Variants in OTULINL observed in about 807,000 individuals in gnomAD.
OTULINL encodes the protein OTU deubiquitinase with linear linkage specificity like.
Under a neutral mutation model 43.9 loss-of-function variants are expected in OTULINL, and 42 were observed. That is an observed-to-expected ratio of 0.96 (90% CI 0.75 to 1.24). The LOEUF (loss-of-function observed/expected upper bound fraction) is 1.24, where lower values mean the gene tolerates loss of function less well. Among genes scored for constraint, OTULINL ranks in the 50% most tolerant of loss-of-function variants. OTULINL has a pLI of 0.00. For missense variants in OTULINL, 411 were observed against 426.4 expected, an observed-to-expected ratio of 0.96 and a Z score of 0.32; for synonymous variants, 172 against 153.6, an observed-to-expected ratio of 1.12 and a Z score of -0.88.
At chr5:14,584,860 GC>G (rs1456625500) in intron 1 of OTULINL, among the ~76,000 whole-genome samples, 2 of 152,208 alleles carry the variant, frequency 1.3e-5, no homozygotes, top group Non-Finnish European at 2.9e-5. Context: ...ATGTTTCTGA[GC>G]CACCATAAGC....
chr5:14,613,966 CT>C lies in OTULINL; in HGVS notation c.*3658del, dbSNP rs1352758885. 6.6e-6 allele frequency among the ~76,000 whole-genome samples: 1 copy of C among 152,184 alleles called. No individual in the cohort carries two copies. The highest frequency in any genetic ancestry group is 1.5e-5 in the Non-Finnish European group (1 of 68,030). ...ACAATTTTAATTGTGTCCAAGCTGA[CT>C]TTTTTGAATGCTCTGGAAATGTTGG... On this transcript the variant is annotated 3_prime_UTR_variant, in exon 8 of 8. Transcript: ENST00000274217.
At chr5:14,591,149 C>A (rs780793131) in intron 1 of OTULINL, among the ~76,000 whole-genome samples, 1 of 152,134 alleles carries the variant, frequency 6.6e-6, no homozygotes, top group African/African-American at 2.4e-5. Context: ...AAAGCCCTGG[C>A]AGGTCAAAGC....
At chr5:14,595,741 A>G (rs898867619) in intron 1 of OTULINL, among the ~76,000 whole-genome samples, 2 of 125,830 alleles carry the variant, frequency 1.6e-5, no homozygotes, top group Non-Finnish European at 3.1e-5. Context: ...AGTTTCTGAT[A>G]TTCACTTTGT....
chr5:14,582,559 G>T (rs890256120), intron 1 of OTULINL, among the ~76,000 whole-genome samples: 2 of 152,158 alleles, frequency 1.3e-5, no homozygotes, highest in African/African-American at 4.8e-5. Flanking sequence ...ACTTTGGGAG[G>T]CCGAGGCTGG....
chr5:14,584,404 A>G (rs1053298573), intron 1 of OTULINL, among the ~76,000 whole-genome samples: 2 of 152,190 alleles, frequency 1.3e-5, no homozygotes, highest in African/African-American at 2.4e-5. Flanking sequence ...CACTCCAGCT[A>G]TACTTGGAGT....
rs116748416 is a variant in OTULINL, at chr5:14,600,487, T to C, written c.65-478T>C. On this transcript the variant is annotated intron_variant, in intron 1 of 7. Coordinates refer to ENST00000274217, the MANE Select transcript of OTULINL (RefSeq NM_019018.3). ...TTGGGTCTGGATTGAATCCCTGTAA[T>C]TGTGTATGGGATCCAATTCAGATAT... 7.5e-3 allele frequency among the ~76,000 whole-genome samples: 1,136 copies of C among 152,320 alleles called. 17 individuals carry two copies. The highest frequency in any genetic ancestry group is 0.024 in the African/African-American group (998 of 41,578).
At chr5:14,609,127 A>C in intron 7 of OTULINL, 110 bp downstream of exon 7, 1 of 1,100,634 alleles carries the variant, frequency 9.1e-7, no homozygotes, top group Non-Finnish European at 1.3e-6. Flanking sequence ...GATTGCACAG[A>C]GGTGGTTGAT....
rs1417786345 is a variant in OTULINL, at chr5:14,581,839, A to G, written c.-56A>G. On this transcript the variant is annotated 5_prime_UTR_variant, in exon 1 of 8. Coordinates refer to ENST00000274217, the MANE Select transcript of OTULINL (RefSeq NM_019018.3). ...CGCCGGCGGGCGGCCGTCGCGTCTG[A>G]CAGACCACTGCAGACCACGGGCCGA... 1 of 1,314,102 alleles carries G rather than the reference A, an allele frequency of 7.6e-7. No individual in the cohort carries two copies. Among genetic ancestry groups the G allele is most frequent in the Admixed American group, 3.9e-5 (1 of 25,516 alleles). 81.4% of individuals were successfully genotyped at this position (1,314,102 alleles called of 1,614,324 possible).
intron 5 of OTULINL, among the ~76,000 whole-genome samples, chr5:14,602,840 A>C (rs905420843): frequency 1.6e-4 from 25 of 152,208 alleles, no homozygotes; most frequent in African/African-American, 6.0e-4. Flanking sequence ...TTTTAATGCC[A>C]CCATCTTTTC....
At chr5:14,597,041 T>C (rs551804901) in intron 1 of OTULINL, among the ~76,000 whole-genome samples, 1 of 152,300 alleles carries the variant, frequency 6.6e-6, no homozygotes, top group South Asian at 2.1e-4. Context: ...ATCACATTGC[T>C]CCTGTTTTTG....
intron 5 of OTULINL, among the ~76,000 whole-genome samples, chr5:14,605,718 T>TA (rs974820446): frequency 1.7e-4 from 26 of 152,218 alleles, no homozygotes; most frequent in African/African-American, 6.3e-4. Flanking sequence ...CAGAGTTCCG[T>TA]AAATCTCTAG....
intron 1 of OTULINL, among the ~76,000 whole-genome samples, chr5:14,585,394 C>T (rs1759088364): frequency 6.6e-6 from 1 of 152,152 alleles, no homozygotes; most frequent in Non-Finnish European, 1.5e-5. Flanking sequence ...TCTACTCTTA[C>T]ATTTCTATGA....
intron 1 of OTULINL, among the ~76,000 whole-genome samples, chr5:14,586,181 A>G (rs1759099041): frequency 6.6e-6 from 1 of 152,206 alleles, no homozygotes; most frequent in Admixed American, 6.5e-5. Context: ...TGGTAAGACA[A>G]TCTGTTTTCA....
Position 14,581,800 on chromosome 5 carries a change from GA to G in OTULINL, c.-93del. On this transcript the variant is annotated 5_prime_UTR_variant, in exon 1 of 8. Coordinates refer to ENST00000274217, the MANE Select transcript of OTULINL (RefSeq NM_019018.3). Reference sequence around the variant, plus strand: ...CCCGCCCTCCCCAGCCCGCCTCAGGGAAGCGAGCCCGGGCGCCGGCGGGCGG... The same window carrying G: ...CCCGCCCTCCCCAGCCCGCCTCAGGGAGCGAGCCCGGGCGCCGGCGGGCGG... The G allele has an allele frequency of 9.5e-7, 1 of 1,056,866 alleles. No individual in the cohort carries two copies. The highest frequency in any genetic ancestry group is 1.2e-6 in the Non-Finnish European group (1 of 817,368). The allele number at this position is 1,056,866 out of a possible 1,614,324, so 65.5% of individuals were successfully genotyped here.
At chr5:14,595,636 GGT>G (rs1436429058) in intron 1 of OTULINL, among the ~76,000 whole-genome samples, 2 of 132,584 alleles carry the variant, frequency 1.5e-5, no homozygotes, top group Admixed American at 7.7e-5. Context: ...CACCAAAAAC[GGT>G]GCTTTTTTTT....
chr5:14,582,666 T>G (rs1219853567), intron 1 of OTULINL, among the ~76,000 whole-genome samples: 1 of 151,468 alleles, frequency 6.6e-6, no homozygotes, highest in Non-Finnish European at 1.5e-5. Context: ...ATACAAAAAA[T>G]TATCCGGGCA....
chr5:14,613,558 G>A lies in OTULINL; in HGVS notation c.*3244G>A, dbSNP rs573513937. The stretch of plus-strand genomic sequence containing the variant: ...GGGAGTTAAATGGATCAGGAAAATC[G>A]TGTTTTATCTCCAAAGTAAAATGAT... On this transcript the variant is annotated 3_prime_UTR_variant, in exon 8 of 8. Transcript: ENST00000274217. Among the ~76,000 whole-genome samples, 6 of 152,158 alleles carry A rather than the reference G, an allele frequency of 3.9e-5. No individual in the cohort carries two copies. The highest frequency in any genetic ancestry group is 8.8e-5 in the Non-Finnish European group (6 of 68,020).
chr5:14,599,095 TA>T (rs1459411271), intron 1 of OTULINL, among the ~76,000 whole-genome samples: 1 of 152,208 alleles, frequency 6.6e-6, no homozygotes, highest in African/African-American at 2.4e-5. Flanking sequence ...TAGGTAAGAA[TA>T]AATATATAAT....
rs1215095764 is a variant in OTULINL, at chr5:14,609,754, C to CCGAGTAG, written c.898-385_898-379dup. ...CACGCCATTCTCCTGCCTCAGCCTC[C>CCGAGTAG]CGAGTAGCTGGGACTACAGGCGCCC... On this transcript the variant is annotated intron_variant, in intron 7 of 7. Transcript: ENST00000274217. Among the ~76,000 whole-genome samples the CCGAGTAG allele has an allele frequency of 7.9e-5, 12 of 152,066 alleles. No individual in the cohort carries two copies. In the East Asian group the frequency reaches 9.7e-4, roughly 12 times the overall value.
Sources: gnomAD v4.1 joint callset for allele counts (sites outside exome capture counted in the v4.1 genomes callset) on GRCh38, gnomAD v4.1.1 for gene constraint, MANE v1.5 for transcripts, NCBI Gene and HGNC (gene_info 2026-07-23, HGNC 2026-07-21) for gene names.